The following WWOX variants were observed in gnomAD, a reference collection of about 807,000 sequenced individuals.
The protein encoded by WWOX is WW domain-containing oxidoreductase.
A neutral mutation model predicts 46.2 loss-of-function variants in WWOX; 69 were observed. The observed-to-expected ratio is 1.49, with a 90% confidence interval of 1.23 to 1.82. The LOEUF (loss-of-function observed/expected upper bound fraction) is 1.82, where lower values mean the gene tolerates loss of function less well. Ranked by LOEUF, WWOX falls within the 40% of genes most tolerant of loss-of-function variation. The pLI is 0.00. For synonymous variants in WWOX, 359 were observed against 202.6 expected (o/e 1.77, Z -6.56); for missense variants, 919 against 542.6 (o/e 1.69, Z -6.89).
chr16:79,019,157 C>CAAAAAA (rs903333994), intron 8 of WWOX, among the ~76,000 whole-genome samples: 811 of 23,222 alleles, frequency 0.035, 8 homozygotes, highest in East Asian at 0.045. Context: ...GACCTTGTCT[C>CAAAAAA]AAAAAAAAAA....
intron 8 of WWOX, among the ~76,000 whole-genome samples, chr16:78,621,998 G>A (rs2046201241): frequency 6.6e-6 from 1 of 152,088 alleles, no homozygotes; most frequent in South Asian, 2.1e-4. Flanking sequence ...GATGTCCAAT[G>A]TCATTCTTGG....
intron 3 of WWOX, among the ~76,000 whole-genome samples, chr16:78,112,609 A>G (rs770845581): frequency 5.3e-5 from 8 of 151,810 alleles, no homozygotes; most frequent in Non-Finnish European, 8.8e-5. Context: ...TAACTTGTGA[A>G]AGTTTTTTTT....
intron 8 of WWOX, among the ~76,000 whole-genome samples, chr16:79,155,407 C>T (rs2050362298): frequency 6.6e-6 from 1 of 151,594 alleles, no homozygotes; most frequent in African/African-American, 2.4e-5. Context: ...GGGGGGTGGG[C>T]AGAGAGTAAA....
intron 1 of WWOX, among the ~76,000 whole-genome samples, chr16:78,101,649 C>T (rs2151655305): frequency 6.6e-6 from 1 of 152,216 alleles, no homozygotes; most frequent in East Asian, 1.9e-4. Flanking sequence ...GGTTTGGCCC[C>T]TCCCCTCTCC....
At chr16:78,568,845 G>C (rs925575620) in intron 8 of WWOX, among the ~76,000 whole-genome samples, 1 of 152,190 alleles carries the variant, frequency 6.6e-6, no homozygotes, top group Non-Finnish European at 1.5e-5. Context: ...GTGCAAGTAA[G>C]TTTGTTTTCT....
At chr16:78,858,884 G>T (rs974496556) in intron 8 of WWOX, among the ~76,000 whole-genome samples, 1 of 150,236 alleles carries the variant, frequency 6.7e-6, no homozygotes, top group Admixed American at 6.7e-5. Context: ...TCACCATGTT[G>T]CCCAGGCTGG....
rs571035406 is a variant in WWOX at position 78,941,968 on chromosome 16, G to A, written c.1057-269640G>A. ...GTGCTGTATTCCGTAGGAAAATGTA[G>A]ATGAATGTGGGTCATTGGGAAATAA... On this transcript the variant is annotated intron_variant, in intron 8 of 8. Transcript: ENST00000566780. Among the ~76,000 whole-genome samples the A allele has an allele frequency of 1.6e-4, 24 of 152,278 alleles. No individual in the cohort carries two copies. In the East Asian group the frequency reaches 4.4e-3, roughly 28 times the overall value.
intron 8 of WWOX, among the ~76,000 whole-genome samples, chr16:78,612,977 A>C (rs539887761): frequency 1.3e-5 from 2 of 151,930 alleles, no homozygotes; most frequent in Non-Finnish European, 2.9e-5. Context: ...CTTTCACCCT[A>C]CCTGTGGATC....
intron 8 of WWOX, among the ~76,000 whole-genome samples, chr16:79,043,230 C>T (rs1028931333): frequency 1.3e-5 from 2 of 152,024 alleles, no homozygotes. Flanking sequence ...TAACTTGTTT[C>T]CTGTGAGGGT....
At chr16:78,511,857 G>T (rs916210578) in intron 8 of WWOX, among the ~76,000 whole-genome samples, 1 of 152,170 alleles carries the variant, frequency 6.6e-6, no homozygotes, top group Admixed American at 6.5e-5. Flanking sequence ...GAGATGTCTT[G>T]ATCTGAATAT....
At chr16:78,446,537 CT>C (rs2083564580) in intron 8 of WWOX, among the ~76,000 whole-genome samples, 1 of 151,910 alleles carries the variant, frequency 6.6e-6, no homozygotes, top group Non-Finnish European at 1.5e-5. Context: ...GATGATTTTA[CT>C]ACTCCTATTA....
intron 5 of WWOX, among the ~76,000 whole-genome samples, chr16:78,261,784 C>CTAGATA (rs1259613713): frequency 2.0e-5 from 1 of 50,900 alleles, no homozygotes; most frequent in African/African-American, 1.2e-4. Flanking sequence ...ATCTATCTAT[C>CTAGATA]TATCTATATA....
intron 8 of WWOX, among the ~76,000 whole-genome samples, chr16:78,850,558 T>C (rs755218262): frequency 6.6e-6 from 1 of 152,210 alleles, no homozygotes; most frequent in African/African-American, 2.4e-5. Context: ...TATAATGCTG[T>C]TTAGTCCCCT....
intron 8 of WWOX, among the ~76,000 whole-genome samples, chr16:78,649,173 C>T (rs776848331): frequency 4.6e-5 from 7 of 152,010 alleles, no homozygotes; most frequent in South Asian, 4.2e-4. Context: ...TTAGTAGAGA[C>T]GGGATTTCAC....
At chr16:78,948,851 A>G (rs935482377) in intron 8 of WWOX, among the ~76,000 whole-genome samples, 1 of 152,142 alleles carries the variant, frequency 6.6e-6, no homozygotes, top group Non-Finnish European at 1.5e-5. Flanking sequence ...GGTGATTAGC[A>G]TGGATCAGAG....
At chr16:78,338,181 A>T (rs2080936658) in intron 5 of WWOX, among the ~76,000 whole-genome samples, 1 of 83,178 alleles carries the variant, frequency 1.2e-5, no homozygotes, top group Admixed American at 1.1e-4. Flanking sequence ...CAAACTTTTA[A>T]AAAAATTAAT....
chr16:78,690,843 A>G (rs2142264425), intron 8 of WWOX, among the ~76,000 whole-genome samples: 1 of 152,298 alleles, frequency 6.6e-6, no homozygotes, highest in South Asian at 2.1e-4. Flanking sequence ...CCAGCAGCCT[A>G]CCCAGGATGG....
chr16:79,062,247 C>T (rs1028924770), intron 8 of WWOX, among the ~76,000 whole-genome samples: 1 of 152,180 alleles, frequency 6.6e-6, no homozygotes, highest in African/African-American at 2.4e-5. Flanking sequence ...CATAATGGGA[C>T]ATATCATTTT....
intron 8 of WWOX, among the ~76,000 whole-genome samples, chr16:78,768,593 GA>G (rs34788836): frequency 0.22 from 29,190 of 133,092 alleles, 2,888 homozygotes; most frequent in South Asian, 0.32. Context: ...TCATCTCGAG[GA>G]AAAAAAAAAA....
Sources: gnomAD v4.1 joint callset for allele counts (sites outside exome capture counted in the v4.1 genomes callset) on GRCh38, gnomAD v4.1.1 for gene constraint, MANE v1.5 for transcripts, NCBI Gene and HGNC (gene_info 2026-07-23, HGNC 2026-07-21) for gene names.